Variants in MYH10 observed in about 807,000 individuals in gnomAD.
MYH10 encodes the protein myosin heavy chain 10, also known as myosin-10.
A neutral mutation model predicts 257.8 loss-of-function variants in MYH10; 55 were observed. The observed-to-expected ratio is 0.21, with a 90% CI of 0.17 to 0.27. MYH10 has a LOEUF of 0.27. Ranked by LOEUF, MYH10 falls within the 10% of genes least tolerant of loss-of-function variation. The pLI, the probability that MYH10 is intolerant of heterozygous loss-of-function variation, is 1.00. For synonymous variants in MYH10, 854 were observed against 921.7 expected (o/e 0.93, Z 1.33); for missense variants, 1,631 against 2,500.6 (o/e 0.65, Z 7.42).
chr17:8,545,356 C>G lies in MYH10; in HGVS notation c.1431+92G>C. The G allele has an allele frequency of 7.2e-7, 1 of 1,393,532 alleles. No homozygotes were observed. The highest frequency in any genetic ancestry group is 2.4e-5 in the East Asian group (1 of 42,520). The allele number at this position is 1,393,532 out of a possible 1,614,324, so 86.3% of individuals were successfully genotyped here. ...AATGGCAGGGACTGTATCCCTGGTG[C>G]CTCGTATGTACTGGGCACACAGTAA... On this transcript the variant is annotated intron_variant, in intron 13 of 42. Coordinates refer to ENST00000360416, the MANE Select transcript of MYH10 (RefSeq NM_001256012.3). This position sits in a 1 kb window ranked among gnomAD's most constrained non-coding sequence, Gnocchi z 4.7.
intron 7 of MYH10, among the ~76,000 whole-genome samples, chr17:8,559,981 G>A (rs917638314): frequency 2.0e-5 from 3 of 152,152 alleles, no homozygotes; most frequent in Admixed American, 6.5e-5. Context: ...GGGCAAATGC[G>A]TTCTCAAACT....
At chr17:8,608,387 A>T (rs931463856) in intron 2 of MYH10, among the ~76,000 whole-genome samples, 2 of 152,226 alleles carry the variant, frequency 1.3e-5, no homozygotes, top group African/African-American at 4.8e-5. Context: ...CAGTGCTCAG[A>T]AACTTTCAAC....
intron 17 of MYH10, among the ~76,000 whole-genome samples, chr17:8,525,258 A>AGGGTG (rs2081803343): frequency 6.6e-6 from 1 of 152,218 alleles, no homozygotes. Flanking sequence ...CTCCAAAGCT[A>AGGGTG]AATACACCAC....
In MYH10 at chr17:8,506,521, A is replaced by G. The variant is rs758106559; in HGVS notation, c.3215-32T>C. 3.0e-5 allele frequency: 47 copies of G among 1,588,774 alleles called. No homozygotes were observed. The highest frequency in any genetic ancestry group is 3.8e-5 in the Non-Finnish European group (45 of 1,171,300). On this transcript the variant is annotated intron_variant, in intron 26 of 42. Transcript: ENST00000360416. This position sits in a 1 kb window ranked among gnomAD's most constrained non-coding sequence, Gnocchi z 5.0. ...GGTAAGACATAAGAAGCTCTTCAAC[A>G]CACCGAGTGACTCACCACAGGAATA... is the stretch of plus-strand genomic sequence containing the variant.
chr17:8,578,081 A>G (rs529912635), intron 4 of MYH10, among the ~76,000 whole-genome samples: 1 of 152,310 alleles, frequency 6.6e-6, no homozygotes, highest in African/African-American at 2.4e-5. Context: ...ATTGATACTC[A>G]TCTTCAAAGC....
intron 3 of MYH10, 64 bp downstream of exon 3, chr17:8,604,762 T>G: frequency 8.2e-7 from 1 of 1,215,298 alleles, no homozygotes; most frequent in Non-Finnish European, 1.1e-6. Context: ...CATTGAGACA[T>G]TAAAAAACAG....
At chr17:8,513,697 T>C (rs755008594) in intron 22 of MYH10, 28 bp from the exon 23 acceptor site, 3 of 1,609,106 alleles carry the variant, frequency 1.9e-6, no homozygotes, top group South Asian at 1.1e-5. Context: ...AGTTTTTTTT[T>C]TTTTATCATT....
chr17:8,568,213 G>A (rs1229262003), intron 7 of MYH10, among the ~76,000 whole-genome samples: 1 of 152,108 alleles, frequency 6.6e-6, no homozygotes, highest in Non-Finnish European at 1.5e-5. Context: ...AGTTATGAGA[G>A]GCCTCAGAAG....
chr17:8,490,345 T>G lies in MYH10; in HGVS notation c.4879A>C (p.Lys1627Gln). 6.2e-7 allele frequency: 1 copy of G among 1,613,608 alleles called. No individual in the cohort carries two copies. Among genetic ancestry groups the G allele is most frequent in the Non-Finnish European group, 8.5e-7 (1 of 1,180,018 alleles). The stretch of plus-strand genomic sequence containing the variant: ...GGCCGCACCCTCTGCCCTACCTGTT[T>G]GATCAGCAGCCGCTTCTTCTCTTCA... ...QNEEKKRLLIKQVRELEAELE... is the reference protein window; with the variant it reads ...QNEEKKRLLIQQVRELEAELE... The change falls in exon 35 of 43, where the codon AAA becomes CAA. Residue 1627 changes from lysine (K) to glutamine (Q), a missense_variant. By Grantham distance (53) the Lys-to-Gln change is moderately conservative. Around this residue, in one of 11 missense-constraint regions of MYH10, gnomAD observed 463 missense variants for 621.8 expected, o/e 0.74. Coordinates refer to ENST00000360416, the MANE Select transcript of MYH10 (RefSeq NM_001256012.3). This position sits in a 1 kb window ranked among gnomAD's most constrained non-coding sequence, Gnocchi z 4.1.
intron 7 of MYH10, 51 bp from the exon 8 acceptor site, chr17:8,554,069 A>C: frequency 8.1e-7 from 1 of 1,238,774 alleles, no homozygotes; most frequent in Non-Finnish European, 1.2e-6. Context: ...TACATACTGG[A>C]TATGAACACT....
At position 8,523,708 on chromosome 17, in the gene MYH10, C is replaced by T. The variant is rs139522435; in HGVS notation, c.1958-2423G>A. 3.9e-5 allele frequency among the ~76,000 whole-genome samples: 6 copies of T among 152,232 alleles called. No homozygotes were observed. The East Asian group carries it at 1.2e-3, about 29-fold the overall frequency. ...GGTGACCCTTCCAGGAGTCCAGGGT[C>T]TAGGCGATGAGGGCAGCTGGAGCTA... On this transcript the variant is annotated intron_variant, in intron 17 of 42. Coordinates refer to ENST00000360416, the MANE Select transcript of MYH10 (RefSeq NM_001256012.3).
At chr17:8,516,746 A>G (rs1159313403) in intron 21 of MYH10, among the ~76,000 whole-genome samples, 1 of 152,168 alleles carries the variant, frequency 6.6e-6, no homozygotes, top group East Asian at 1.9e-4. Context: ...CTCACTCCTT[A>G]TGCTATGTTA....
intron 7 of MYH10, among the ~76,000 whole-genome samples, chr17:8,563,013 A>G (rs1390783784): frequency 6.6e-6 from 1 of 152,230 alleles, no homozygotes; most frequent in African/African-American, 2.4e-5. Context: ...TTTAGGGGCA[A>G]TGCAGGTTTG....
In MYH10 at chr17:8,504,590, A is replaced by T; in HGVS notation, c.3599+104T>A. ...CCGTTCCACCTGCCATCACAAGGAA[A>T]AGCACACCACCTCCCAAAGATAGCA... is the stretch of plus-strand genomic sequence containing the variant. On this transcript the variant is annotated intron_variant, in intron 28 of 42. Transcript: ENST00000360416. The surrounding 1 kb of genome is among the most constrained non-coding windows in gnomAD (Gnocchi z 5.6). 1 of 1,004,212 alleles carries T rather than the reference A, an allele frequency of 1.0e-6. No individual in the cohort carries two copies. The highest frequency in any genetic ancestry group is 1.5e-6 in the Non-Finnish European group (1 of 671,640). 62.2% of individuals were successfully genotyped at this position (1,004,212 alleles called of 1,614,324 possible). A position where few individuals can be genotyped will look rare whatever the true frequency, so the allele number is the denominator to read the frequency against.
chr17:8,519,083 C>A, intron 19 of MYH10, 133 bp from the exon 20 acceptor site: 1 of 609,236 alleles, frequency 1.6e-6, no homozygotes, highest in Non-Finnish European at 2.8e-6. Flanking sequence ...AATACATGTT[C>A]AAGAAATGAA....
intron 17 of MYH10, among the ~76,000 whole-genome samples, chr17:8,524,086 C>T (rs994411660): frequency 1.3e-5 from 2 of 151,722 alleles, no homozygotes; most frequent in Non-Finnish European, 2.9e-5. Context: ...CTAGGGGAGA[C>T]CAGAAAGAGA....
chr17:8,584,964 C>T (rs979111935), intron 4 of MYH10, among the ~76,000 whole-genome samples: 2 of 152,092 alleles, frequency 1.3e-5, no homozygotes, highest in Middle Eastern at 3.2e-3. Context: ...CTGCTTCAGC[C>T]TCTCAAGTAG....
chr17:8,533,683 T>G (rs543325675), intron 16 of MYH10, among the ~76,000 whole-genome samples: 1 of 152,232 alleles, frequency 6.6e-6, no homozygotes, highest in East Asian at 1.9e-4. Context: ...ATCATGACAT[T>G]TTTCCCTTAG....
intron 2 of MYH10, among the ~76,000 whole-genome samples, chr17:8,617,609 A>T (rs1321650521): frequency 6.6e-6 from 1 of 151,962 alleles, no homozygotes; most frequent in African/African-American, 2.4e-5. Context: ...CAGGAATTCC[A>T]CTCCTAGTTA....
Sources: allele counts gnomAD v4.1 joint callset (sites outside exome capture counted in the v4.1 genomes callset), GRCh38; gene constraint gnomAD v4.1.1; regional missense constraint gnomAD v4.1.1; non-coding constraint Gnocchi (gnomAD v3.1); transcripts MANE v1.5; gene names NCBI Gene and HGNC (gene_info 2026-07-23, HGNC 2026-07-21).